The following KSR1 variants were observed in gnomAD, a reference collection of about 807,000 sequenced individuals.
KSR1 encodes the protein kinase suppressor of ras.
A neutral mutation model predicts 92.9 loss-of-function variants in KSR1; 35 were observed. The observed-to-expected ratio is 0.38, with a 90% CI of 0.29 to 0.50. KSR1 has a LOEUF of 0.50. KSR1 is among the 20% of genes least tolerant of loss of function. KSR1 has a pLI of 0.94. For missense variants in KSR1, 972 were observed against 1,158.5 expected, an observed-to-expected ratio of 0.84 and a Z score of 2.34; for synonymous variants, 467 against 472.6, an observed-to-expected ratio of 0.99 and a Z score of 0.15.
chr17:27,557,571 A>G (rs1196101093), intron 2 of KSR1, among the ~76,000 whole-genome samples: 1 of 152,176 alleles, frequency 6.6e-6, no homozygotes, highest in African/African-American at 2.4e-5. Flanking sequence ...GAATGGGCCT[A>G]TCTGCCTTTT....
intron 1 of KSR1, among the ~76,000 whole-genome samples, chr17:27,498,222 C>T (rs893687884): frequency 2.0e-5 from 3 of 150,834 alleles, no homozygotes; most frequent in South Asian, 2.1e-4. Flanking sequence ...CCCAGCTACT[C>T]GGGAGGCTGA....
intron 1 of KSR1, among the ~76,000 whole-genome samples, chr17:27,540,663 C>T (rs1339195117): frequency 1.3e-5 from 2 of 152,214 alleles, no homozygotes; most frequent in Non-Finnish European, 2.9e-5. Context: ...CCTCTCCTTG[C>T]CCCACTTTCC....
chr17:27,521,290 C>A (rs1048175602), intron 1 of KSR1, among the ~76,000 whole-genome samples: 7 of 151,922 alleles, frequency 4.6e-5, no homozygotes, highest in Admixed American at 1.3e-4. Context: ...CTTGTTCCAC[C>A]CTTCAGTTTA....
intron 1 of KSR1, among the ~76,000 whole-genome samples, chr17:27,461,853 C>A (rs1236625159): frequency 1.6e-5 from 1 of 63,420 alleles, no homozygotes; most frequent in East Asian, 1.3e-3. Context: ...CGCAGGTATT[C>A]TACTCCTGCC....
rs965819357 is a variant in KSR1 at position 27,483,122 on chromosome 17, AT to A, written c.231+26258del. On this transcript the variant is annotated intron_variant, in intron 1 of 20. Coordinates refer to ENST00000644974, the MANE Select transcript of KSR1 (RefSeq NM_001394583.1). ...TTTGAGTCTACAGGTAAAAAAATAGATTTTTTTTTTCAAGTGTGTGAACTAG... is the reference window on the plus strand; with the variant it reads ...TTTGAGTCTACAGGTAAAAAAATAGATTTTTTTTTCAAGTGTGTGAACTAG... Among the ~76,000 whole-genome samples, 12 of 151,000 alleles carry A rather than the reference AT, an allele frequency of 7.9e-5. No homozygotes were observed. In the East Asian group the frequency reaches 9.7e-4, roughly 12 times the overall value.
chr17:27,521,110 A>G (rs56872789), intron 1 of KSR1, among the ~76,000 whole-genome samples: 34,408 of 151,900 alleles, frequency 0.23, 4,126 homozygotes, highest in Non-Finnish European at 0.26. Flanking sequence ...TGCTTTTAAA[A>G]CACATCCATA....
intron 4 of KSR1, among the ~76,000 whole-genome samples, chr17:27,584,815 G>A (rs1046590175): frequency 1.4e-4 from 21 of 152,248 alleles, no homozygotes; most frequent in Non-Finnish European, 2.9e-4. Flanking sequence ...CTCAGGGGCA[G>A]TGGCTGCCCC....
In KSR1 at chr17:27,609,263, A is replaced by G. The variant is rs748075686; in HGVS notation, c.2159A>G (p.Asp720Gly). Residue 720 changes from aspartate to glycine, a missense_variant, in exon 16 of 21, where the codon GAC becomes GGC. By Grantham distance (94) the Asp-to-Gly change is moderately conservative (BLOSUM62 -1). This residue lies in a region of KSR1 where 260 missense variants were observed against 375.2 expected (regional missense o/e 0.69). Transcript: ENST00000644974. ...CTCAAATCTAAGAACGTCTTCTATGACAACGGCAAGGTGGTCATCACAGAC... is the reference window on the plus strand; with the variant it reads ...CTCAAATCTAAGAACGTCTTCTATGGCAACGGCAAGGTGGTCATCACAGAC... ...KDLKSKNVFY[D>G]NGKVVITDFG... is the part of the protein sequence containing the mutation. 14 of 1,613,864 alleles carry G rather than the reference A, an allele frequency of 8.7e-6. No homozygotes were observed. The highest frequency in any genetic ancestry group is 1.3e-5 in the African/African-American group (1 of 74,922).
intron 1 of KSR1, among the ~76,000 whole-genome samples, chr17:27,491,890 G>T (rs1400233792): frequency 6.6e-6 from 1 of 152,066 alleles, no homozygotes; most frequent in East Asian, 1.9e-4. Context: ...CTGGCTCCAG[G>T]GCTACACTCC....
chr17:27,483,838 C>T (rs1306523454), intron 1 of KSR1: 1 of 152,258 alleles, frequency 6.6e-6, no homozygotes, highest in Non-Finnish European at 1.5e-5. Context: ...CTGAAGGGTA[C>T]ATCCTCTCCC....
At chr17:27,463,447 A>C (rs931280498) in intron 1 of KSR1, among the ~76,000 whole-genome samples, 27 of 146,048 alleles carry the variant, frequency 1.8e-4, no homozygotes, top group Admixed American at 4.9e-4. Context: ...GCATCATTGC[A>C]CTCCAGCCTG....
intron 1 of KSR1, among the ~76,000 whole-genome samples, chr17:27,510,851 C>T (rs776049985): frequency 5.3e-5 from 8 of 152,178 alleles, no homozygotes; most frequent in Non-Finnish European, 7.4e-5. Flanking sequence ...CTGAGCATCC[C>T]GCATTGCCTG....
rs376687136 is a variant in KSR1 at position 27,610,050 on chromosome 17, G to T, written c.2226-17G>T. ...GCTGAAAGGCCTGTGTCCTTGTCCCGGCTTCCTGGTCTCCAGGCGTGAGAA... is the reference window on the plus strand; with the variant it reads ...GCTGAAAGGCCTGTGTCCTTGTCCCTGCTTCCTGGTCTCCAGGCGTGAGAA... On this transcript the variant is annotated splice_polypyrimidine_tract_variant and intron_variant, in intron 16 of 20. Coordinates refer to ENST00000644974, the MANE Select transcript of KSR1 (RefSeq NM_001394583.1). 6.2e-7 allele frequency: 1 copy of T among 1,613,522 alleles called. No individual in the cohort carries two copies. Among genetic ancestry groups the T allele is most frequent in the Non-Finnish European group, 8.5e-7 (1 of 1,179,636 alleles).
At position 27,577,417 on chromosome 17, in the gene KSR1, GC is replaced by G. The variant is rs2072552553; in HGVS notation, c.373-73del. ...GCTGGCCCCTGCCACTCAGCAGGAG[GC>G]CAGCCTGAGGCTGAGGGGCTCCCGG... On this transcript the variant is annotated intron_variant, in intron 2 of 20. Coordinates refer to ENST00000644974, the MANE Select transcript of KSR1 (RefSeq NM_001394583.1). The surrounding 1 kb of genome is among the most constrained non-coding windows in gnomAD (Gnocchi z 4.5). 1 of 928,284 alleles carries G rather than the reference GC, an allele frequency of 1.1e-6. No homozygotes were observed. Among genetic ancestry groups the G allele is most frequent in the Non-Finnish European group, 1.6e-6 (1 of 611,294 alleles). The allele number at this position is 928,284 out of a possible 1,614,324, so 57.5% of individuals were successfully genotyped here.
At chr17:27,466,053 G>A (rs1441406841) in intron 1 of KSR1, among the ~76,000 whole-genome samples, 2 of 152,198 alleles carry the variant, frequency 1.3e-5, no homozygotes, top group African/African-American at 4.8e-5. Context: ...AGATCCCTGC[G>A]GATGAGGATT....
At chr17:27,602,437 C>T (rs1017631813) in intron 11 of KSR1, among the ~76,000 whole-genome samples, 1 of 152,222 alleles carries the variant, frequency 6.6e-6, no homozygotes, top group African/African-American at 2.4e-5. Context: ...GGCTCTTCTC[C>T]CAGAAGGGTC....
chr17:27,555,851 GAT>G (rs2071575350), intron 2 of KSR1, among the ~76,000 whole-genome samples: 1 of 152,188 alleles, frequency 6.6e-6, no homozygotes, highest in African/African-American at 2.4e-5. Context: ...TATTAGAAGA[GAT>G]GTGTTTATTG....
At chr17:27,621,865 C>T (rs1201717830) in intron 20 of KSR1, 4 of 1,570,358 alleles carry the variant, frequency 2.5e-6, no homozygotes, top group Middle Eastern at 3.3e-4. Flanking sequence ...TAGCTCCCGA[C>T]AGGCTCTGCA....
chr17:27,546,872 T>C (rs1024484902), intron 1 of KSR1, among the ~76,000 whole-genome samples: 2 of 152,074 alleles, frequency 1.3e-5, no homozygotes, highest in African/African-American at 4.8e-5. Context: ...GGGCTTAGGT[T>C]CCATAATAGG....
Sources: gnomAD v4.1 joint callset for allele counts (sites outside exome capture counted in the v4.1 genomes callset) on GRCh38, gnomAD v4.1.1 for gene constraint, gnomAD v4.1.1 regional missense constraint, Gnocchi (gnomAD v3.1) non-coding constraint, MANE v1.5 for transcripts, NCBI Gene and HGNC (gene_info 2026-07-23, HGNC 2026-07-21) for gene names.